MAP4K4: variants seen among roughly 807,000 people sequenced by gnomAD.
MAP4K4 encodes mitogen-activated protein kinase kinase kinase kinase 4.
Under a neutral mutation model 189.6 loss-of-function variants are expected in MAP4K4, and 38 were observed. That is an observed-to-expected ratio of 0.20 (90% confidence interval 0.15 to 0.26). The LOEUF (loss-of-function observed/expected upper bound fraction) is 0.26. Among genes scored for constraint, MAP4K4 ranks in the 10% least tolerant of loss-of-function variants. The pLI is 1.00. For missense variants in MAP4K4, 1,054 were observed against 1,726.9 expected (o/e 0.61, Z 6.91); for synonymous variants, 610 against 624.3 (o/e 0.98, Z 0.34).
chr2:101,698,058 T>G, exon 1 of MAP4K4: 2 of 1,321,428 alleles, frequency 1.5e-6, no homozygotes, highest in Non-Finnish European at 2.0e-6. Context: ...TTGTTATTTG[T>G]TTTTTGGTGG....
rs573117043 is a variant in MAP4K4 at position 101,733,366 on chromosome 2, C to T, written c.123+34828C>T. Reference sequence around the variant, plus strand: ...TTACAGCTGACCTTGAGAGGTCAGCCAATCCATTAGCTGCATGGGGCCCAG... The same window carrying T: ...TTACAGCTGACCTTGAGAGGTCAGCTAATCCATTAGCTGCATGGGGCCCAG... On this transcript the variant is annotated intron_variant, in intron 2 of 32. Transcript: ENST00000324219. Among the ~76,000 whole-genome samples the T allele has an allele frequency of 1.0e-3, 159 of 152,336 alleles. 2 individuals carry two copies. Among genetic ancestry groups the T allele is most frequent in the African/African-American group, 3.7e-3 (153 of 41,584 alleles).
intron 9 of MAP4K4, among the ~76,000 whole-genome samples, chr2:101,837,157 T>C (rs1167993540): frequency 6.6e-6 from 1 of 151,588 alleles, no homozygotes; most frequent in African/African-American, 2.4e-5. Context: ...CTGCCTCCTC[T>C]TAGGTTCTTG....
chr2:101,852,509 T>C (rs987033495), intron 12 of MAP4K4, among the ~76,000 whole-genome samples: 3 of 152,094 alleles, frequency 2.0e-5, no homozygotes, highest in Non-Finnish European at 4.4e-5. Flanking sequence ...TAACCAAAGG[T>C]ATAGTAGTAT....
At chr2:101,831,660 A>G in intron 6 of MAP4K4, 61 bp from the exon 7 acceptor site, 4 of 1,533,692 alleles carry the variant, frequency 2.6e-6, no homozygotes, top group Admixed American at 3.9e-5. Context: ...TTTTTTCCCA[A>G]GTATATCTGG....
At chr2:101,812,961 C>G (rs2095520972) in intron 3 of MAP4K4, among the ~76,000 whole-genome samples, 1 of 152,092 alleles carries the variant, frequency 6.6e-6, no homozygotes. Context: ...AACCCCGTCT[C>G]TACTAAAAAT....
intron 3 of MAP4K4, among the ~76,000 whole-genome samples, chr2:101,793,875 G>T (rs1054274845): frequency 4.6e-5 from 7 of 152,142 alleles, no homozygotes; most frequent in Non-Finnish European, 2.9e-5. Flanking sequence ...ACTTGATTAT[G>T]TGAATCTGGA....
intron 2 of MAP4K4, among the ~76,000 whole-genome samples, chr2:101,704,494 T>C (rs558382596): frequency 3.4e-5 from 5 of 148,584 alleles, no homozygotes; most frequent in Admixed American, 3.4e-4. Flanking sequence ...CAACTCGTAT[T>C]TTGCCTTTTT....
At chr2:101,853,641 T>A (rs2097353466) in intron 12 of MAP4K4, among the ~76,000 whole-genome samples, 1 of 152,122 alleles carries the variant, frequency 6.6e-6, no homozygotes, top group African/African-American at 2.4e-5. Context: ...AGTTTCTGGA[T>A]TGAAAGCCTC....
chr2:101,760,552 GTGTGTGTA>G (rs1245167689), intron 2 of MAP4K4, among the ~76,000 whole-genome samples: 1 of 149,914 alleles, frequency 6.7e-6, no homozygotes, highest in African/African-American at 2.5e-5. Context: ...GTGTGTGTGT[GTGTGTGTA>G]TATGTATTTA....
At chr2:101,822,535 T>A (rs567436364) in intron 3 of MAP4K4, among the ~76,000 whole-genome samples, 30 of 152,368 alleles carry the variant, frequency 2.0e-4, no homozygotes, top group Admixed American at 7.2e-4. Flanking sequence ...TTTTAAAAAT[T>A]ATTTTTCCCA....
chr2:101,780,561 T>C (rs1488758543), intron 2 of MAP4K4, among the ~76,000 whole-genome samples: 2 of 152,232 alleles, frequency 1.3e-5, no homozygotes, highest in African/African-American at 4.8e-5. Context: ...CACTCAGTTA[T>C]TTTGTGTATG....
At chr2:101,729,090 G>GAGAA (rs1418726627) in intron 2 of MAP4K4, among the ~76,000 whole-genome samples, 1 of 129,760 alleles carries the variant, frequency 7.7e-6, no homozygotes, top group Non-Finnish European at 1.6e-5. Context: ...GAGAGAGAGA[G>GAGAA]AGAGAGAGAG....
intron 6 of MAP4K4, among the ~76,000 whole-genome samples, chr2:101,830,664 A>G (rs1436122575): frequency 1.3e-5 from 2 of 152,196 alleles, no homozygotes; most frequent in Non-Finnish European, 2.9e-5. Context: ...GAGCTAACAT[A>G]GGAAGCACTT....
chr2:101,806,376 T>G (rs2094930243), intron 3 of MAP4K4, among the ~76,000 whole-genome samples: 1 of 142,324 alleles, frequency 7.0e-6, no homozygotes, highest in Non-Finnish European at 1.6e-5. Flanking sequence ...CTGTTTCACT[T>G]TTTTTTTTTT....
At chr2:101,738,597 C>T (rs906324491) in intron 2 of MAP4K4, among the ~76,000 whole-genome samples, 1 of 151,582 alleles carries the variant, frequency 6.6e-6, no homozygotes, top group Non-Finnish European at 1.5e-5. Flanking sequence ...TTTTTTTGGC[C>T]CAGTGATTTT....
intron 2 of MAP4K4, among the ~76,000 whole-genome samples, chr2:101,704,059 T>A (rs773122518): frequency 8.5e-5 from 13 of 152,194 alleles, no homozygotes; most frequent in Admixed American, 7.2e-4. Context: ...GAGCAAGTAC[T>A]TAAACTTTTG....
chr2:101,725,311 C>T (rs1395105137), intron 2 of MAP4K4, among the ~76,000 whole-genome samples: 2 of 149,108 alleles, frequency 1.3e-5, no homozygotes, highest in African/African-American at 2.5e-5. Context: ...CAAGCTATAG[C>T]GATAGGTGCA....
At chr2:101,811,386 A>AAAAGG (rs71680128) in intron 3 of MAP4K4, among the ~76,000 whole-genome samples, 6,961 of 140,730 alleles carry the variant, frequency 0.049, 261 homozygotes, top group African/African-American at 0.077. Flanking sequence ...AAAAAAAAAA[A>AAAAGG]AAAAAGAATG....
At chr2:101,766,110 A>G (rs1558812301) in intron 2 of MAP4K4, among the ~76,000 whole-genome samples, 1 of 152,196 alleles carries the variant, frequency 6.6e-6, no homozygotes, top group Non-Finnish European at 1.5e-5. Context: ...GACCCTTTTT[A>G]TCTTTGACTG....
Sources: allele counts gnomAD v4.1 joint callset (sites outside exome capture counted in the v4.1 genomes callset), GRCh38; gene constraint gnomAD v4.1.1; transcripts MANE v1.5; gene names NCBI Gene and HGNC (gene_info 2026-07-23, HGNC 2026-07-21).